NUP62CL: variants seen among roughly 807,000 people sequenced by gnomAD.
NUP62CL encodes the protein nucleoporin 62 C-terminal like.
NUP62CL carries 13 observed loss-of-function variants against 15.3 expected under a neutral mutation model. The ratio of observed to expected loss-of-function variants is 0.85; its 90% CI spans 0.55 to 1.35. NUP62CL has a LOEUF of 1.35. NUP62CL is among the 40% of genes most tolerant of loss of function. NUP62CL has a pLI of 0.00. For synonymous variants in NUP62CL, 54 were observed against 49.2 expected, an observed-to-expected ratio of 1.10 and a Z score of -0.41; for missense variants, 123 against 130.6, an observed-to-expected ratio of 0.94 and a Z score of 0.28.
In NUP62CL at chrX:107,157,297, G is replaced by A. The variant is rs1285188707; in HGVS notation, c.195-3051C>T. ...AGAGAACGCCACAAAGATACTCCTC[G>A]GGAAGAGCAACTCCAAGACACATAA... On this transcript the variant is annotated intron_variant, in intron 4 of 8. Coordinates refer to ENST00000372466, the MANE Select transcript of NUP62CL (RefSeq NM_017681.3). 1.4e-3 allele frequency among the ~76,000 whole-genome samples: 147 copies of A among 105,609 alleles called. No individual in the cohort carries two copies. The East Asian group carries it at 0.019, about 14-fold the overall frequency. 91.7% of individuals were successfully genotyped at this position (105,609 alleles called of 115,157 possible). A position where few individuals can be genotyped will look rare whatever the true frequency, so the allele number is the denominator to read the frequency against.
intron 8 of NUP62CL, among the ~76,000 whole-genome samples, chrX:107,135,142 C>A (rs1301127804): frequency 1.8e-5 from 2 of 112,229 alleles, no homozygotes; most frequent in Admixed American, 9.4e-5. Context: ...ACCCAATGAT[C>A]TGTTCTCCCT....
chrX:107,177,335 G>C lies in NUP62CL; in HGVS notation c.-47-2142C>G, dbSNP rs1926810140. ...AGGATCTCATGTTTATAGATCAAAA[G>C]ACTTAATATTGTTAAGATGGTGTGA... On this transcript the variant is annotated intron_variant, in intron 2 of 8. Transcript: ENST00000372466. Among the ~76,000 whole-genome samples the C allele has an allele frequency of 2.7e-5, 3 of 111,493 alleles. No homozygotes were observed. In the Admixed American group the frequency reaches 2.9e-4, roughly 11 times the overall value.
intron 3 of NUP62CL, among the ~76,000 whole-genome samples, chrX:107,170,003 A>G (rs1453887502): frequency 1.8e-5 from 2 of 110,444 alleles, no homozygotes; most frequent in Non-Finnish European, 3.8e-5. Context: ...GGAGGTCAGG[A>G]GTTTGAGACG....
At position 107,195,559 on chromosome X, in the gene NUP62CL, A is replaced by C. The variant is rs1459184246; in HGVS notation, c.-91-2487T>G. Among the ~76,000 whole-genome samples the C allele has an allele frequency of 5.3e-5, 6 of 112,644 alleles. No individual in the cohort carries two copies. The Admixed American group carries it at 5.6e-4, about 11-fold the overall frequency. ...AAAAATGTACCTCTTTAAATGGCTGAGATACAGCATCTTGAATACTGTTAG... is the reference window on the plus strand; with the variant it reads ...AAAAATGTACCTCTTTAAATGGCTGCGATACAGCATCTTGAATACTGTTAG... On this transcript the variant is annotated intron_variant, in intron 1 of 8. Transcript: ENST00000372466.
intron 2 of NUP62CL, among the ~76,000 whole-genome samples, chrX:107,189,937 GAA>G (rs1927196515): frequency 9.7e-6 from 1 of 102,917 alleles, no homozygotes; most frequent in Non-Finnish European, 2.0e-5. Flanking sequence ...AAGAAAGAAA[GAA>G]AGAAAGAGAA....
At chrX:107,127,921 A>G (rs1241029611) in intron 8 of NUP62CL, among the ~76,000 whole-genome samples, 1 of 112,243 alleles carries the variant, frequency 8.9e-6, no homozygotes, top group Non-Finnish European at 1.9e-5. Flanking sequence ...CCAGGAAAAT[A>G]TTATTTTAAC....
At chrX:107,152,049 G>GATATATATAT (rs778670339) in intron 7 of NUP62CL, among the ~76,000 whole-genome samples, 38 of 41,110 alleles carry the variant, frequency 9.2e-4, no homozygotes, top group African/African-American at 5.2e-3. Flanking sequence ...TATATATTCA[G>GATATATATAT]ATATATATAT....
At chrX:107,141,043 T>C (rs1237657129) in intron 8 of NUP62CL, among the ~76,000 whole-genome samples, 16 of 112,230 alleles carry the variant, frequency 1.4e-4, no homozygotes. Context: ...ATCTGGGGAG[T>C]CTCTCCAACT....
intron 7 of NUP62CL, among the ~76,000 whole-genome samples, chrX:107,150,201 A>G (rs1433410549): frequency 1.8e-5 from 2 of 112,220 alleles, no homozygotes; most frequent in East Asian, 5.6e-4. Context: ...ACCTACTAAC[A>G]CTTATATAAG....
intron 8 of NUP62CL, among the ~76,000 whole-genome samples, chrX:107,134,942 CT>C: frequency 8.9e-6 from 1 of 111,900 alleles, no homozygotes. Context: ...GTGGCATGAT[CT>C]TGGCTCACCG....
rs1556025102 is a variant in NUP62CL at position 107,169,819 on chromosome X, T to TTA, written c.59-2036_59-2035insTA. Among the ~76,000 whole-genome samples the TTA allele has an allele frequency of 1.1e-4, 12 of 108,642 alleles. No individual in the cohort carries two copies. In the South Asian group the frequency reaches 3.2e-3, roughly 29 times the overall value. The allele number at this position is 108,642 out of a possible 115,157, so 94.3% of individuals were successfully genotyped here. On this transcript the variant is annotated intron_variant, in intron 3 of 8. Coordinates refer to ENST00000372466, the MANE Select transcript of NUP62CL (RefSeq NM_017681.3). ...TCAAGACAGAAAGAAATTTTTTTTT[T>TTA]AAAAAAATGAGCCCTTCTTGTAAAG...
chrX:107,131,490 C>T (rs1019892944), intron 8 of NUP62CL, among the ~76,000 whole-genome samples: 3 of 111,939 alleles, frequency 2.7e-5, no homozygotes, highest in African/African-American at 9.8e-5. Flanking sequence ...AGTAAAGGAA[C>T]CATTAGTGAA....
At chrX:107,169,543 A>G (rs970939456) in intron 3 of NUP62CL, among the ~76,000 whole-genome samples, 21 of 111,963 alleles carry the variant, frequency 1.9e-4, no homozygotes, top group Non-Finnish European at 3.8e-4. Flanking sequence ...TGAGGGTAAA[A>G]TGTGCACCAC....
chrX:107,149,396 A>G (rs1321327879), intron 7 of NUP62CL, among the ~76,000 whole-genome samples: 1 of 112,460 alleles, frequency 8.9e-6, no homozygotes, highest in Non-Finnish European at 1.9e-5. Context: ...CATTTGTGTG[A>G]ACACAGGGAC....
chrX:107,165,867 T>A (rs1437787115), intron 4 of NUP62CL, among the ~76,000 whole-genome samples: 1 of 111,995 alleles, frequency 8.9e-6, no homozygotes, highest in Non-Finnish European at 1.9e-5. Context: ...AAAAAATTAA[T>A]CTTGACCTAA....
At chrX:107,191,758 T>C (rs905153721) in intron 2 of NUP62CL, among the ~76,000 whole-genome samples, 2 of 111,750 alleles carry the variant, frequency 1.8e-5, no homozygotes, top group African/African-American at 6.5e-5. Flanking sequence ...CAGCACTTTA[T>C]TAAACAACAC....
intron 8 of NUP62CL, 136 bp from the exon 9 acceptor site, chrX:107,124,468 A>C: frequency 3.3e-6 from 1 of 298,941 alleles, no homozygotes; most frequent in Admixed American, 4.9e-5. Context: ...TAGAAAACAC[A>C]TAAGAAAAAA....
chrX:107,139,496 G>C (rs2147793990), intron 8 of NUP62CL, among the ~76,000 whole-genome samples: 1 of 111,632 alleles, frequency 9.0e-6, no homozygotes, highest in African/African-American at 3.2e-5. Context: ...ATTAAAAAAA[G>C]ACCAACGCAC....
chrX:107,141,518 A>G (rs930408771), intron 8 of NUP62CL, among the ~76,000 whole-genome samples: 6 of 112,165 alleles, frequency 5.3e-5, no homozygotes, highest in African/African-American at 1.9e-4. Context: ...CTTTTCAAGT[A>G]GGTGAAGTGG....
Sources: gnomAD v4.1 joint callset for allele counts (sites outside exome capture counted in the v4.1 genomes callset) on GRCh38, gnomAD v4.1.1 for gene constraint, MANE v1.5 for transcripts, NCBI Gene and HGNC (gene_info 2026-07-23, HGNC 2026-07-21) for gene names.